LUZP2: variants seen among roughly 807,000 people sequenced by gnomAD.
LUZP2 encodes the protein leucine zipper protein 2.
Under a neutral mutation model 51.6 loss-of-function variants are expected in LUZP2, and 52 were observed. The ratio of observed to expected loss-of-function variants is 1.01; its 90% CI spans 0.81 to 1.27. LUZP2 has a LOEUF of 1.27. LUZP2 is among the 50% of genes most tolerant of loss of function. The pLI, the probability that LUZP2 is intolerant of heterozygous loss-of-function variation, is 0.00. For missense variants in LUZP2, 436 were observed against 395.4 expected (o/e 1.10, Z -0.87); for synonymous variants, 154 against 137.3 (o/e 1.12, Z -0.85).
intron 1 of LUZP2, among the ~76,000 whole-genome samples, chr11:24,602,134 G>C (rs1348939288): frequency 1.2e-5 from 1 of 80,024 alleles, no homozygotes; most frequent in African/African-American, 5.7e-5. Context: ...ATGTATATGT[G>C]TATATATGTA....
At chr11:24,722,916 T>TA (rs548606370) in intron 1 of LUZP2, among the ~76,000 whole-genome samples, 38 of 145,188 alleles carry the variant, frequency 2.6e-4, no homozygotes, top group Admixed American at 4.2e-4. Flanking sequence ...GACCTCATAT[T>TA]AAAAAAAAAA....
intron 1 of LUZP2, among the ~76,000 whole-genome samples, chr11:24,620,611 A>G (rs1156287147): frequency 1.3e-5 from 2 of 152,228 alleles, no homozygotes; most frequent in Admixed American, 6.5e-5. Context: ...CCTAAATGTC[A>G]AAGTCACTAA....
In LUZP2 at chr11:24,702,780, G is replaced by A. The variant is rs547848455; in HGVS notation, c.63-26389G>A. Among the ~76,000 whole-genome samples, 5 of 151,722 alleles carry A rather than the reference G, an allele frequency of 3.3e-5. No individual in the cohort carries two copies. In the East Asian group the frequency reaches 9.8e-4, roughly 30 times the overall value. On this transcript the variant is annotated intron_variant, in intron 1 of 11. Coordinates refer to ENST00000336930, the MANE Select transcript of LUZP2 (RefSeq NM_001009909.4). ...GCCAAGCAGTGTGGATCTTCTATGTGAGTGTTGTCATTTCAGATTTAAAAT... is the reference window on the plus strand; with the variant it reads ...GCCAAGCAGTGTGGATCTTCTATGTAAGTGTTGTCATTTCAGATTTAAAAT...
chr11:24,643,975 C>A (rs1855389583), intron 1 of LUZP2, among the ~76,000 whole-genome samples: 1 of 152,162 alleles, frequency 6.6e-6, no homozygotes, highest in Non-Finnish European at 1.5e-5. Context: ...TTGAGAGCCA[C>A]ACAGAACAAA....
At chr11:24,994,422 C>T (rs1261776554) in intron 9 of LUZP2, among the ~76,000 whole-genome samples, 1 of 152,132 alleles carries the variant, frequency 6.6e-6, no homozygotes, top group Non-Finnish European at 1.5e-5. Context: ...GGCATAATGG[C>T]CTGTCTAAAT....
At chr11:24,795,713 G>T (rs1184897222) in intron 5 of LUZP2, among the ~76,000 whole-genome samples, 1 of 152,068 alleles carries the variant, frequency 6.6e-6, no homozygotes, top group Non-Finnish European at 1.5e-5. Context: ...GTGTGCTTAT[G>T]TAATTTGGGT....
At chr11:24,714,840 C>T (rs1480039710) in intron 1 of LUZP2, among the ~76,000 whole-genome samples, 4 of 151,962 alleles carry the variant, frequency 2.6e-5, no homozygotes, top group African/African-American at 9.7e-5. Flanking sequence ...TGTGCACAGC[C>T]CTGATGAAGT....
chr11:25,006,500 C>T (rs1856837439), intron 9 of LUZP2, among the ~76,000 whole-genome samples: 1 of 152,138 alleles, frequency 6.6e-6, no homozygotes. Context: ...AACCAATGCT[C>T]ACAACTCCAA....
chr11:24,864,784 C>T (rs1211489888), intron 5 of LUZP2, among the ~76,000 whole-genome samples: 1 of 152,166 alleles, frequency 6.6e-6, no homozygotes, highest in Non-Finnish European at 1.5e-5. Flanking sequence ...TCCCACTCCT[C>T]AAGGTACGGA....
intron 5 of LUZP2, among the ~76,000 whole-genome samples, chr11:24,806,010 A>G (rs1849846677): frequency 6.6e-6 from 1 of 152,220 alleles, no homozygotes; most frequent in South Asian, 2.1e-4. Context: ...TGTAGGAGCT[A>G]GATGTTGGCC....
At chr11:24,880,248 AT>A (rs1852417193) in intron 5 of LUZP2, among the ~76,000 whole-genome samples, 1 of 150,056 alleles carries the variant, frequency 6.7e-6, no homozygotes, top group African/African-American at 2.4e-5. Flanking sequence ...AGTTTAGTGC[AT>A]TGTCTCACAA....
intron 1 of LUZP2, among the ~76,000 whole-genome samples, chr11:24,601,990 GTATATATGTATA>G (rs1396296454): frequency 0.26 from 36,095 of 137,794 alleles, 5,017 homozygotes; most frequent in Admixed American, 0.31. Context: ...ATATATATGT[GTATATATGTATA>G]TATATGTATA....
At chr11:24,617,478 C>T (rs1405895534) in intron 1 of LUZP2, among the ~76,000 whole-genome samples, 1 of 152,064 alleles carries the variant, frequency 6.6e-6, no homozygotes, top group Non-Finnish European at 1.5e-5. Context: ...CTTTTTGATT[C>T]AGTTGAGATT....
At chr11:25,026,651 T>C (rs1485460450) in intron 9 of LUZP2, among the ~76,000 whole-genome samples, 1 of 152,082 alleles carries the variant, frequency 6.6e-6, no homozygotes, top group Non-Finnish European at 1.5e-5. Flanking sequence ...GACAAATTTC[T>C]TAAACTCTGG....
chr11:24,809,184 A>G (rs1165203564), intron 5 of LUZP2, among the ~76,000 whole-genome samples: 2 of 152,198 alleles, frequency 1.3e-5, no homozygotes, highest in African/African-American at 2.4e-5. Flanking sequence ...GATTCTAAAA[A>G]TGTTTCATAT....
At chr11:24,657,594 A>C (rs576544160) in intron 1 of LUZP2, among the ~76,000 whole-genome samples, 2 of 152,280 alleles carry the variant, frequency 1.3e-5, no homozygotes, top group South Asian at 4.1e-4. Flanking sequence ...ATGCAGGAGA[A>C]GGAAATAAAG....
At chr11:24,832,289 TG>T (rs146469577) in intron 5 of LUZP2, among the ~76,000 whole-genome samples, 19,739 of 151,890 alleles carry the variant, frequency 0.13, 1,379 homozygotes, top group South Asian at 0.19. Context: ...ATTTATTAAA[TG>T]ATTACATTAT....
At chr11:24,944,689 G>A (rs1354836985) in intron 7 of LUZP2, among the ~76,000 whole-genome samples, 2 of 152,070 alleles carry the variant, frequency 1.3e-5, no homozygotes, top group African/African-American at 4.8e-5. Flanking sequence ...AAGGTTCTTC[G>A]GGAGCAGATG....
chr11:24,549,096 C>A (rs1453865102), intron 1 of LUZP2, among the ~76,000 whole-genome samples: 4 of 151,798 alleles, frequency 2.6e-5, no homozygotes, highest in South Asian at 4.2e-4. Context: ...TTTTTTGATT[C>A]TTTTGTTATA....
Sources: allele counts gnomAD v4.1 joint callset (sites outside exome capture counted in the v4.1 genomes callset), GRCh38; gene constraint gnomAD v4.1.1; transcripts MANE v1.5; gene names NCBI Gene and HGNC (gene_info 2026-07-23, HGNC 2026-07-21).